IKZF2: variants seen among roughly 807,000 people sequenced by gnomAD.
IKZF2 encodes the protein zinc finger protein Helios.
In IKZF2, 15 loss-of-function variants were observed where a neutral mutation model predicts 49.2. That is an observed-to-expected ratio of 0.30 (90% CI 0.20 to 0.47). IKZF2 has a LOEUF of 0.47. Ranked by LOEUF, IKZF2 falls within the 20% of genes least tolerant of loss-of-function variation. The pLI is 1.00. For missense variants in IKZF2, 567 were observed against 664.6 expected (o/e 0.85, Z 1.61); for synonymous variants, 227 against 221.4 (o/e 1.03, Z -0.23).
At chr2:213,102,063 A>G (rs1170372356) in intron 4 of IKZF2, among the ~76,000 whole-genome samples, 1 of 152,214 alleles carries the variant, frequency 6.6e-6, no homozygotes, top group East Asian at 1.9e-4. Context: ...AATCTGCTAC[A>G]TGGATCTTTT....
chr2:213,130,097 CCT>C (rs1206230996), intron 4 of IKZF2, among the ~76,000 whole-genome samples: 3 of 152,128 alleles, frequency 2.0e-5, no homozygotes, highest in African/African-American at 7.2e-5. Flanking sequence ...TGAAGGCACA[CCT>C]TCTCTATTTC....
At chr2:213,089,642 A>G (rs1409348986) in intron 4 of IKZF2, among the ~76,000 whole-genome samples, 6 of 152,114 alleles carry the variant, frequency 3.9e-5, no homozygotes. Context: ...CATGGGCCAA[A>G]AATTTAACCT....
intron 4 of IKZF2, among the ~76,000 whole-genome samples, chr2:213,121,754 A>G (rs1381353270): frequency 6.6e-6 from 1 of 152,226 alleles, no homozygotes; most frequent in Non-Finnish European, 1.5e-5. Context: ...ATATTTGTAC[A>G]AAAAACTAAA....
At position 213,148,733 on chromosome 2, in the gene IKZF2, T is replaced by G; in HGVS notation, c.-15-89A>C. 24 of 1,076,142 alleles carry G rather than the reference T, an allele frequency of 2.2e-5. No homozygotes were observed. In the South Asian group the frequency reaches 3.2e-4, roughly 15 times the overall value. 66.7% of individuals were successfully genotyped at this position (1,076,142 alleles called of 1,614,324 possible). A position where few individuals can be genotyped will look rare whatever the true frequency, so the allele number is the denominator to read the frequency against. On this transcript the variant is annotated intron_variant, in intron 2 of 8. Transcript: ENST00000434687. ...TAACTTATTTGAAGCTCCAAGCAGT[T>G]AGTCCATGTTGCTGCTGCCACCTGT...
Position 213,097,823 on chromosome 2 carries a change from A to C in IKZF2, c.140-40724T>G, listed in dbSNP as rs186840189. On this transcript the variant is annotated intron_variant, in intron 4 of 8. Transcript: ENST00000434687. ...CAAATCAAATTTTATTTGTAATTAAAAGGTGAAAAAATATAATTACATATT... is the reference window on the plus strand; with the variant it reads ...CAAATCAAATTTTATTTGTAATTAACAGGTGAAAAAATATAATTACATATT... The C allele has an allele frequency of 2.9e-3, 478 of 165,344 alleles. 3 individuals are homozygous for C. Among genetic ancestry groups the C allele is most frequent in the African/African-American group, 0.011 (443 of 42,000 alleles). The allele number at this position is 165,344 out of a possible 1,614,324, so 10.2% of individuals were successfully genotyped here.
At chr2:213,015,342 G>C (rs913368628) in intron 7 of IKZF2, 1 of 151,900 alleles carries the variant, frequency 6.6e-6, no homozygotes, top group African/African-American at 2.4e-5. Flanking sequence ...ATGTTAATTT[G>C]GAAAAAAGTT....
chr2:213,055,906 ACT>A (rs1318366359), intron 5 of IKZF2, among the ~76,000 whole-genome samples: 3 of 152,102 alleles, frequency 2.0e-5, no homozygotes, highest in Admixed American at 6.6e-5. Flanking sequence ...ATATTTTAAA[ACT>A]CTGAGAATAT....
intron 4 of IKZF2, among the ~76,000 whole-genome samples, chr2:213,122,906 T>G (rs1054361489): frequency 6.6e-6 from 1 of 152,192 alleles, no homozygotes; most frequent in African/African-American, 2.4e-5. Context: ...CCAGCTAATT[T>G]CCCTGTTAAA....
At chr2:213,071,557 T>C (rs1702705673) in intron 4 of IKZF2, among the ~76,000 whole-genome samples, 1 of 152,100 alleles carries the variant, frequency 6.6e-6, no homozygotes, top group Admixed American at 6.6e-5. Flanking sequence ...AATCAAGCCA[T>C]AGTCCTAACT....
chr2:213,129,131 A>C (rs543499373), intron 4 of IKZF2, among the ~76,000 whole-genome samples: 1 of 152,070 alleles, frequency 6.6e-6, no homozygotes, highest in South Asian at 2.1e-4. Context: ...GAGTCAGTTC[A>C]TCTGTGAGTT....
chr2:213,064,301 G>T (rs757153666), intron 4 of IKZF2, among the ~76,000 whole-genome samples: 1 of 152,014 alleles, frequency 6.6e-6, no homozygotes, highest in Middle Eastern at 3.4e-3. Flanking sequence ...ACAGTCTTGT[G>T]TCAATTATTG....
In IKZF2 at chr2:213,068,141, T is replaced by G. The variant is rs181850135; in HGVS notation, c.140-11042A>C. The stretch of plus-strand genomic sequence containing the variant: ...GCAAAGTAGACAGACATATAAGGTA[T>G]AGTTAAAGGGCATATAAATGGCTTT... On this transcript the variant is annotated intron_variant, in intron 4 of 8. Transcript: ENST00000434687. Among the ~76,000 whole-genome samples the G allele has an allele frequency of 1.1e-4, 17 of 152,224 alleles. No homozygotes were observed. In the East Asian group the frequency reaches 3.3e-3, roughly 29 times the overall value.
chr2:213,056,999 T>C lies in IKZF2; in HGVS notation c.240A>G (p.Leu80=), dbSNP rs755286000. ...EIRGHDEGSS[L]EEPLIESSEV... ...CGCTGCTCTCAATTAGGGGTTCTTC[T>C]AGGCTGCTACCCTCATCATGGCCCC... The change falls in exon 5 of 9, where the codon CTA becomes CTG. Residue 80 remains leucine (L), a synonymous_variant. Transcript: ENST00000434687. The C allele has an allele frequency of 1.1e-4, 177 of 1,613,840 alleles. 1 individual carries two copies. Among genetic ancestry groups the C allele is most frequent in the Non-Finnish European group, 5.1e-6 (6 of 1,179,910 alleles).
chr2:213,021,317 T>A (rs1205778528), intron 7 of IKZF2: 1 of 152,350 alleles, frequency 6.6e-6, no homozygotes, highest in Non-Finnish European at 1.5e-5. Flanking sequence ...AACTTATCAG[T>A]AGACAAATCT....
intron 4 of IKZF2, among the ~76,000 whole-genome samples, chr2:213,114,729 C>T (rs1220834475): frequency 6.6e-6 from 1 of 152,020 alleles, no homozygotes; most frequent in African/African-American, 2.4e-5. Flanking sequence ...GTCAAGAGAT[C>T]GAGACCATCC....
chr2:213,062,082 A>C (rs1701747604), intron 4 of IKZF2, among the ~76,000 whole-genome samples: 1 of 151,592 alleles, frequency 6.6e-6, no homozygotes, highest in Non-Finnish European at 1.5e-5. Flanking sequence ...CTTTATATGC[A>C]TGATAAATAT....
At chr2:213,092,372 C>T (rs1705445753) in intron 4 of IKZF2, among the ~76,000 whole-genome samples, 1 of 152,136 alleles carries the variant, frequency 6.6e-6, no homozygotes, top group African/African-American at 2.4e-5. Context: ...ACCTCCTCTA[C>T]CATTTCAATG....
At chr2:213,142,154 C>T (rs916448400) in intron 4 of IKZF2, among the ~76,000 whole-genome samples, 1 of 151,798 alleles carries the variant, frequency 6.6e-6, no homozygotes, top group African/African-American at 2.4e-5. Context: ...ATCTGGAACA[C>T]CAATAATATG....
At position 213,150,149 on chromosome 2, in the gene IKZF2, A is replaced by C. The variant is rs1434614576; in HGVS notation, c.-21T>G. On this transcript the variant is annotated 5_prime_UTR_variant, in exon 2 of 9. Transcript: ENST00000434687. The stretch of plus-strand genomic sequence containing the variant: ...GAGAAACGAAATGTACATACAAAAG[A>C]AATTGTCCTTTGATTAAAAAAGATT... 3.8e-6 allele frequency: 5 copies of C among 1,300,930 alleles called. No individual in the cohort carries two copies. In the Admixed American group the frequency reaches 1.1e-4, roughly 30 times the overall value. 80.6% of individuals were successfully genotyped at this position (1,300,930 alleles called of 1,614,324 possible). A position where few individuals can be genotyped will look rare whatever the true frequency, so the allele number is the denominator to read the frequency against.
Sources: gnomAD v4.1 joint callset for allele counts (sites outside exome capture counted in the v4.1 genomes callset) on GRCh38, gnomAD v4.1.1 for gene constraint, MANE v1.5 for transcripts, NCBI Gene and HGNC (gene_info 2026-07-23, HGNC 2026-07-21) for gene names.